CASK: variants seen among roughly 807,000 people sequenced by gnomAD.
CASK encodes the protein calcium/calmodulin dependent serine protein kinase.
CASK carries 4 observed loss-of-function variants against 82.9 expected under a neutral mutation model. The observed-to-expected ratio is 0.05, with a 90% CI of 0.02 to 0.11. The LOEUF (loss-of-function observed/expected upper bound fraction) is 0.11. Ranked by LOEUF, CASK falls within the 10% of genes least tolerant of loss-of-function variation. CASK has a pLI of 1.00. For missense variants in CASK, 358 were observed against 720.9 expected, an observed-to-expected ratio of 0.50 and a Z score of 5.76; for synonymous variants, 259 against 253.5, an observed-to-expected ratio of 1.02 and a Z score of -0.20.
intron 22 of CASK, among the ~76,000 whole-genome samples, chrX:41,538,089 G>A (rs1276900426): frequency 1.8e-5 from 2 of 110,425 alleles, no homozygotes; most frequent in Non-Finnish European, 3.8e-5. Flanking sequence ...CAAGTGATCT[G>A]CCCACCTCGG....
At chrX:41,622,229 C>T (rs1156384250) in intron 11 of CASK, among the ~76,000 whole-genome samples, 1 of 112,371 alleles carries the variant, frequency 8.9e-6, no homozygotes, top group Non-Finnish European at 1.9e-5. Flanking sequence ...GCAATAAAGA[C>T]CACTTACAGG....
At chrX:41,884,937 T>G (rs963764230) in intron 1 of CASK, among the ~76,000 whole-genome samples, 2 of 112,252 alleles carry the variant, frequency 1.8e-5, no homozygotes, top group Non-Finnish European at 3.8e-5. Context: ...CCAAATTTAC[T>G]TAAGCCACTA....
intron 1 of CASK, among the ~76,000 whole-genome samples, chrX:41,868,653 C>T (rs1023201231): frequency 9.0e-6 from 1 of 111,611 alleles, no homozygotes; most frequent in African/African-American, 3.3e-5. Context: ...CCTGGATGTG[C>T]CCATTACTCA....
At chrX:41,678,766 T>C (rs940132437) in intron 5 of CASK, among the ~76,000 whole-genome samples, 1 of 111,800 alleles carries the variant, frequency 8.9e-6, no homozygotes, top group South Asian at 3.7e-4. Flanking sequence ...GAAAGAATTA[T>C]ATTGTAAAGA....
chrX:41,908,196 C>T (rs1043519772), intron 1 of CASK, among the ~76,000 whole-genome samples: 20 of 111,792 alleles, frequency 1.8e-4, no homozygotes, highest in African/African-American at 5.5e-4. Context: ...CATGGTGAAA[C>T]CCCGTCTCTG....
At chrX:41,559,434 A>C in intron 18 of CASK, 1 of 229,411 alleles carries the variant, frequency 4.4e-6, no homozygotes, top group East Asian at 8.4e-5. Flanking sequence ...AAGGGAAGTG[A>C]ATGAACTTCC....
chrX:41,862,776 A>G (rs1222420350), intron 1 of CASK, among the ~76,000 whole-genome samples: 1 of 111,397 alleles, frequency 9.0e-6, no homozygotes, highest in Non-Finnish European at 1.9e-5. Flanking sequence ...TTAAGAAAAT[A>G]AATTCACAAG....
At chrX:41,915,801 T>C (rs1331523302) in intron 1 of CASK, among the ~76,000 whole-genome samples, 1 of 105,253 alleles carries the variant, frequency 9.5e-6, no homozygotes, top group African/African-American at 3.5e-5. Flanking sequence ...CATCCTGGCT[T>C]ACATGGTGAA....
chrX:41,696,568 T>C, intron 5 of CASK: 1 of 1,206,267 alleles, frequency 8.3e-7, no homozygotes, highest in South Asian at 1.8e-5. Flanking sequence ...AATGAGATCA[T>C]GCTGGTTCTC....
At chrX:41,831,915 C>T (rs746258493) in intron 2 of CASK, among the ~76,000 whole-genome samples, 104 of 111,048 alleles carry the variant, frequency 9.4e-4, no homozygotes, top group Middle Eastern at 4.2e-3. Context: ...GAGCTGAGAT[C>T]GTGCCACTGC....
chrX:41,813,468 C>G (rs1440644662), intron 2 of CASK, among the ~76,000 whole-genome samples: 1 of 110,912 alleles, frequency 9.0e-6, no homozygotes, highest in Admixed American at 9.6e-5. Flanking sequence ...CTTTGACAAA[C>G]CTGACAAAAA....
chrX:41,657,034 C>T (rs769090326), intron 8 of CASK, among the ~76,000 whole-genome samples: 25 of 111,519 alleles, frequency 2.2e-4, no homozygotes, highest in Non-Finnish European at 4.3e-4. Flanking sequence ...GTGGTAAAAA[C>T]GGTCCACTAA....
At chrX:41,790,752 T>C (rs773732191) in intron 2 of CASK, among the ~76,000 whole-genome samples, 1 of 112,115 alleles carries the variant, frequency 8.9e-6, no homozygotes, top group Non-Finnish European at 1.9e-5. Context: ...CAAGTATAAA[T>C]TAAATAGCTC....
Position 41,598,716 on chromosome X carries a change from T to C in CASK, c.1156-9124A>G, listed in dbSNP as rs141174777. Among the ~76,000 whole-genome samples, 758 of 111,775 alleles carry C rather than the reference T, an allele frequency of 6.8e-3. 10 individuals are homozygous for C. Among genetic ancestry groups the C allele is most frequent in the African/African-American group, 0.023 (722 of 30,802 alleles). ...CAAATCTAAACACAATTCTGTATCATTGGGATATTACAAGTTACAAAAAGA... is the reference window on the plus strand; with the variant it reads ...CAAATCTAAACACAATTCTGTATCACTGGGATATTACAAGTTACAAAAAGA... On this transcript the variant is annotated intron_variant, in intron 12 of 26. Transcript: ENST00000378163.
chrX:41,677,778 C>T (rs1321361403), intron 5 of CASK, among the ~76,000 whole-genome samples: 2 of 112,350 alleles, frequency 1.8e-5, no homozygotes, highest in African/African-American at 6.5e-5. Context: ...TAATAAACTT[C>T]CATGTATCTA....
At chrX:41,553,487 T>G (rs1272814307) in intron 21 of CASK, among the ~76,000 whole-genome samples, 1 of 111,287 alleles carries the variant, frequency 9.0e-6, no homozygotes, top group Non-Finnish European at 1.9e-5. Flanking sequence ...CCAATCTCTT[T>G]CCAGACCTTC....
chrX:41,536,182 A>G (rs1602227522), intron 22 of CASK, among the ~76,000 whole-genome samples: 1 of 110,936 alleles, frequency 9.0e-6, no homozygotes, highest in South Asian at 3.8e-4. Flanking sequence ...CAGTGGCGCG[A>G]TCTCGGCTCA....
Position 41,517,635 on chromosome X carries a change from T to C in CASK, c.*2785A>G, listed in dbSNP as rs2064573670. On this transcript the variant is annotated 3_prime_UTR_variant, in exon 27 of 27. Transcript: ENST00000378163. ...ATACTTCAATTGACCACTAATAAGATTTAGTACTCTAAACATTCATTCTGG... is the reference window on the plus strand; with the variant it reads ...ATACTTCAATTGACCACTAATAAGACTTAGTACTCTAAACATTCATTCTGG... 15 of 413,755 alleles carry C rather than the reference T, an allele frequency of 3.6e-5. No individual in the cohort carries two copies. The South Asian group carries it at 4.5e-4, about 12-fold the overall frequency. The allele number at this position is 413,755 out of a possible 1,213,427, so 34.1% of individuals were successfully genotyped here. A position where few individuals can be genotyped will look rare whatever the true frequency, so the allele number is the denominator to read the frequency against.
rs940492260 is a variant in CASK, at chrX:41,742,289, T to G, written c.357-2833A>C. Among the ~76,000 whole-genome samples, 3 of 111,544 alleles carry G rather than the reference T, an allele frequency of 2.7e-5. No individual in the cohort carries two copies. In the Admixed American group the frequency reaches 2.9e-4, roughly 11 times the overall value. On this transcript the variant is annotated intron_variant, in intron 4 of 26. Coordinates refer to ENST00000378163, the MANE Select transcript of CASK (RefSeq NM_001367721.1). ...CAAACCCCAGTATAAACCTCATCTA[T>G]TCTGGGCCAGAGGTGCATTTCTGAG...
Sources: allele counts gnomAD v4.1 joint callset (sites outside exome capture counted in the v4.1 genomes callset), GRCh38; gene constraint gnomAD v4.1.1; transcripts MANE v1.5; gene names NCBI Gene and HGNC (gene_info 2026-07-23, HGNC 2026-07-21).